The following SEMA4A variants were observed in gnomAD, a reference collection of about 807,000 sequenced individuals.
The protein encoded by SEMA4A is semaphorin 4A.
Under a neutral mutation model 72.5 loss-of-function variants are expected in SEMA4A, and 52 were observed. The ratio of observed to expected loss-of-function variants is 0.72; its 90% CI spans 0.57 to 0.90. The LOEUF (loss-of-function observed/expected upper bound fraction) is 0.90, where lower values mean the gene tolerates loss of function less well. SEMA4A is among the 40% of genes least tolerant of loss of function. SEMA4A has a pLI of 0.00. For missense variants in SEMA4A, 926 were observed against 959.7 expected, an observed-to-expected ratio of 0.96 and a Z score of 0.46; for synonymous variants, 369 against 393.1, an observed-to-expected ratio of 0.94 and a Z score of 0.73.
Position 156,176,714 on chromosome 1 carries a change from T to C in SEMA4A, c.2003T>C (p.Val668Ala). ...REHVKVPLTR[V>A]SGGAALAAQQ... ...CATGTGAAGGTCCCGTTGACCAGGGTCAGTGGTGGGGCCGCCCTGGCTGCC... is the reference window on the plus strand; with the variant it reads ...CATGTGAAGGTCCCGTTGACCAGGGCCAGTGGTGGGGCCGCCCTGGCTGCC... The change falls in exon 15 of 15, where the codon GTC (valine) becomes GCC (alanine). Residue 668 changes from valine to alanine, a missense_variant. By Grantham distance (64) the Val-to-Ala change is moderately conservative. Coordinates refer to ENST00000368285, the MANE Select transcript of SEMA4A (RefSeq NM_022367.4). 6.2e-7 allele frequency: 1 copy of C among 1,613,790 alleles called. No homozygotes were observed. The highest frequency in any genetic ancestry group is 1.1e-5 in the South Asian group (1 of 91,070).
chr1:156,157,663 C>A lies in SEMA4A; in HGVS notation c.301-407C>A, dbSNP rs779328834. Among the ~76,000 whole-genome samples the A allele has an allele frequency of 5.9e-5, 9 of 152,176 alleles. No homozygotes were observed. The highest frequency in any genetic ancestry group is 8.8e-5 in the Non-Finnish European group (6 of 68,038). On this transcript the variant is annotated intron_variant, in intron 3 of 14. Coordinates refer to ENST00000368285, the MANE Select transcript of SEMA4A (RefSeq NM_022367.4). This position sits in a 1 kb window ranked among gnomAD's most constrained non-coding sequence, Gnocchi z 4.5. ...AATGCAGATTCTCTAAGGCGTGACC[C>A]AGGAACCAACTTGTTAAACAATTTC...
chr1:156,158,191 C>A, intron 4 of SEMA4A, 59 bp downstream of exon 4: 1 of 1,579,838 alleles, frequency 6.3e-7, no homozygotes, highest in Non-Finnish European at 8.7e-7. Flanking sequence ...ATCCCTAGAC[C>A]ATCCCTGGAT....
intron 11 of SEMA4A, 150 bp downstream of exon 11, chr1:156,173,156 G>A: frequency 1.2e-6 from 1 of 850,990 alleles, no homozygotes; most frequent in Non-Finnish European, 1.9e-6. Flanking sequence ...CTAGGTTCTG[G>A]AAATACAGCA....
intron 8 of SEMA4A, 57 bp from the exon 9 acceptor site, chr1:156,161,289 G>T: frequency 2.7e-6 from 3 of 1,129,500 alleles, no homozygotes; most frequent in Non-Finnish European, 3.7e-6. Context: ...GGGAGGACAC[G>T]CGGGGCTGGG....
chr1:156,163,953 C>T (rs1256632582), intron 10 of SEMA4A, among the ~76,000 whole-genome samples: 2 of 150,624 alleles, frequency 1.3e-5, no homozygotes, highest in Non-Finnish European at 2.9e-5. Flanking sequence ...TCACTTGAGC[C>T]TGGGAGTTCA....
At position 156,176,704 on chromosome 1, in the gene SEMA4A, T is replaced by TTGACCAGGG. The variant is rs1558165825; in HGVS notation, c.1995_2003dup (p.Thr666_Val668dup). 1 of 1,614,088 alleles carries TTGACCAGGG rather than the reference T, an allele frequency of 6.2e-7. No individual in the cohort carries two copies. The highest frequency in any genetic ancestry group is 1.7e-5 in the Admixed American group (1 of 60,014). On this transcript the variant is annotated inframe_insertion, in exon 15 of 15. Coordinates refer to ENST00000368285, the MANE Select transcript of SEMA4A (RefSeq NM_022367.4). ...CCCCCGGGAGCATGTGAAGGTCCCG[T>TTGACCAGGG]TGACCAGGGTCAGTGGTGGGGCCGC...
intron 10 of SEMA4A, among the ~76,000 whole-genome samples, chr1:156,171,238 C>T (rs931939629): frequency 1.3e-5 from 2 of 152,140 alleles, no homozygotes; most frequent in African/African-American, 2.4e-5. Context: ...GGGGCTGGCC[C>T]TAAGACAGTG....
At chr1:156,149,420 CCTT>C (rs1652362315), upstream of SEMA4A, among the ~76,000 whole-genome samples, 1 of 152,210 alleles carries the variant, frequency 6.6e-6, no homozygotes, top group Admixed American at 6.5e-5. Context: ...GGGGGAGCCA[CCTT>C]CTTCTCAGGC....
intron 9 of SEMA4A, among the ~76,000 whole-genome samples, chr1:156,162,541 G>A (rs1653759481): frequency 6.6e-6 from 1 of 152,248 alleles, no homozygotes; most frequent in Non-Finnish European, 1.5e-5. Flanking sequence ...GTCAGGCACT[G>A]GTCGGTTCTC....
chr1:156,176,424 C>T lies in SEMA4A; in HGVS notation c.1713C>T (p.Val571=). The change falls in exon 15 of 15, where the codon GTC becomes GTT. Residue 571 remains valine, a synonymous_variant. Coordinates refer to ENST00000368285, the MANE Select transcript of SEMA4A (RefSeq NM_022367.4). Reference sequence around the variant, plus strand: ...CTACAGTTAAAGAAGTCCTGGCTGTCCCCAACTCCATCCTGGAGCTCCCCT... The same window carrying T: ...CTACAGTTAAAGAAGTCCTGGCTGTTCCCAACTCCATCCTGGAGCTCCCCT... The part of the protein sequence containing the change: ...RPQIIKEVLA[V]PNSILELPCP... 3 of 1,613,942 alleles carry T rather than the reference C, an allele frequency of 1.9e-6. No homozygotes were observed. The highest frequency in any genetic ancestry group is 2.5e-6 in the Non-Finnish European group (3 of 1,179,830).
At chr1:156,169,734 T>A (rs1266483785) in intron 10 of SEMA4A, among the ~76,000 whole-genome samples, 2 of 150,930 alleles carry the variant, frequency 1.3e-5, no homozygotes, top group African/African-American at 4.9e-5. Context: ...TATGTCTTTT[T>A]AAAAATTCCC....
At position 156,173,826 on chromosome 1, in the gene SEMA4A, T is replaced by C. The variant is rs544415548; in HGVS notation, c.1315+820T>C. Among the ~76,000 whole-genome samples the C allele has an allele frequency of 2.0e-5, 3 of 152,230 alleles. No individual in the cohort carries two copies. The South Asian group carries it at 6.2e-4, about 32-fold the overall frequency. ...GAGAGGTAGATTCAAATAGCCATTGTGGGCTGGGCACAGTGGCTCACGCCT... is the reference window on the plus strand; with the variant it reads ...GAGAGGTAGATTCAAATAGCCATTGCGGGCTGGGCACAGTGGCTCACGCCT... On this transcript the variant is annotated intron_variant, in intron 11 of 14. Transcript: ENST00000368285.
rs929270809 is a variant in SEMA4A, at chr1:156,161,459, C to G, written c.924C>G (p.Val308=). The G allele has an allele frequency of 6.2e-7, 1 of 1,614,062 alleles. No homozygotes were observed. The change falls in exon 9 of 15, where the codon GTC becomes GTG. Residue 308 remains valine, a synonymous_variant. Coordinates refer to ENST00000368285, the MANE Select transcript of SEMA4A (RefSeq NM_022367.4). ...QLPFNVIRHA[V]LLPADSPTAP... ...CCTTCAACGTCATCCGCCACGCGGTCCTGCTCCCCGCCGATTCTCCCACAG... is the reference window on the plus strand; with the variant it reads ...CCTTCAACGTCATCCGCCACGCGGTGCTGCTCCCCGCCGATTCTCCCACAG...
Position 156,160,537 on chromosome 1 carries a change from C to G in SEMA4A, c.663C>G (p.Asp221Glu). 6 of 1,614,140 alleles carry G rather than the reference C, an allele frequency of 3.7e-6. No homozygotes were observed. Among genetic ancestry groups the G allele is most frequent in the Non-Finnish European group, 5.1e-6 (6 of 1,179,978 alleles). ...TLGSQPVLKT[D>E]NFLRWLHHDA... ...GATCCCAGCCTGTCCTCAAGACCGA[C>G]AACTTCCTCCGCTGGCTGCATCGTA... is the stretch of plus-strand genomic sequence containing the variant. Residue 221 changes from aspartate to glutamate, a missense_variant, in exon 7 of 15, where the codon GAC becomes GAG. Asp to Glu is a conservative substitution (Grantham distance 45). Transcript: ENST00000368285.
At chr1:156,149,440 G>A (rs1045029934), upstream of SEMA4A, among the ~76,000 whole-genome samples, 3 of 152,174 alleles carry the variant, frequency 2.0e-5, no homozygotes, top group Admixed American at 2.0e-4. Context: ...AGGCAGCTTA[G>A]GAAGGAGAGG....
In SEMA4A at chr1:156,176,584, TG is replaced by T. The variant is rs1310431731; in HGVS notation, c.1876del (p.Ala626GlnfsTer10). 6.2e-7 allele frequency: 1 copy of T among 1,614,196 alleles called. No individual in the cohort carries two copies. On this transcript the variant is annotated frameshift_variant, in exon 15 of 15. Coordinates refer to ENST00000368285, the MANE Select transcript of SEMA4A (RefSeq NM_022367.4). LOFTEE classifies it high-confidence loss of function. ...QDGVGGLYQC[W>X]ATENGFSYPV... Reference sequence around the variant, plus strand: ...TGGAGTTGGGGGTCTCTACCAGTGCTGGGCAACTGAGAATGGCTTTTCATAC... The same window carrying T: ...TGGAGTTGGGGGTCTCTACCAGTGCTGGCAACTGAGAATGGCTTTTCATAC...
Position 156,154,694 on chromosome 1 carries a change from T to A in SEMA4A, c.116T>A (p.Met39Lys), listed in dbSNP as rs141177664. 6.7e-5 allele frequency: 106 copies of A among 1,588,850 alleles called. No homozygotes were observed. The highest frequency in any genetic ancestry group is 8.6e-6 in the Non-Finnish European group (10 of 1,168,092). ...GCGGGGGGAGGCGGGCAGGGGCCCA[T>A]GCCCAGGGTCAGATACTATGCAGGT... ...TTAGGGGQGPMPRVRYYAGDE... is the reference protein window; with the variant it reads ...TTAGGGGQGPKPRVRYYAGDE... Residue 39 changes from methionine to lysine, a missense_variant, in exon 2 of 15, where the codon ATG (methionine) becomes AAG (lysine). Met to Lys is a moderately conservative substitution (Grantham distance 95). Coordinates refer to ENST00000368285, the MANE Select transcript of SEMA4A (RefSeq NM_022367.4).
rs1181851889 is a variant in SEMA4A, at chr1:156,154,499, A to T, written c.-29-51A>T. On this transcript the variant is annotated intron_variant, in intron 1 of 14. Coordinates refer to ENST00000368285, the MANE Select transcript of SEMA4A (RefSeq NM_022367.4). Reference sequence around the variant, plus strand: ...GGCTCTCCTATTGGTCCTCGGGGGGATGTGGTAAGAACTGCTCACCCAGAA... The same window carrying T: ...GGCTCTCCTATTGGTCCTCGGGGGGTTGTGGTAAGAACTGCTCACCCAGAA... The T allele has an allele frequency of 8.6e-6, 13 of 1,504,894 alleles. No individual in the cohort carries two copies. The East Asian group carries it at 2.1e-4, about 25-fold the overall frequency. 93.2% of individuals were successfully genotyped at this position (1,504,894 alleles called of 1,614,324 possible). A position where few individuals can be genotyped will look rare whatever the true frequency, so the allele number is the denominator to read the frequency against.
At position 156,177,514 on chromosome 1, in the gene SEMA4A, C is replaced by T. The variant is rs922467564; in HGVS notation, c.*517C>T. 1.5e-5 allele frequency: 3 copies of T among 199,768 alleles called. No individual in the cohort carries two copies. The highest frequency in any genetic ancestry group is 9.4e-5 in the South Asian group (1 of 10,656). The allele number at this position is 199,768 out of a possible 1,614,324, so 12.4% of individuals were successfully genotyped here. ...CCTGCTTCCCTTACCAGTCGTGCAC[C>T]GCTGACTCCCAGGAAGTCTTTCCTG... On this transcript the variant is annotated 3_prime_UTR_variant, in exon 15 of 15. Coordinates refer to ENST00000368285, the MANE Select transcript of SEMA4A (RefSeq NM_022367.4).
Sources: gnomAD v4.1 joint callset for allele counts (sites outside exome capture counted in the v4.1 genomes callset) on GRCh38, gnomAD v4.1.1 for gene constraint, Gnocchi (gnomAD v3.1) non-coding constraint, MANE v1.5 for transcripts, NCBI Gene and HGNC (gene_info 2026-07-23, HGNC 2026-07-21) for gene names.